RALGPS2: variants seen among roughly 807,000 people sequenced by gnomAD.
RALGPS2 encodes ras-specific guanine nucleotide-releasing factor RalGPS2.
Under a neutral mutation model 86.8 loss-of-function variants are expected in RALGPS2, and 43 were observed. The observed-to-expected ratio is 0.50, with a 90% CI of 0.39 to 0.64. RALGPS2 has a LOEUF of 0.64. RALGPS2 is among the 30% of genes least tolerant of loss of function. The probability of loss-of-function intolerance (pLI) is 0.00; values close to 1 mark genes in which losing one functional copy is unlikely to be tolerated. For synonymous variants in RALGPS2, 243 were observed against 231.3 expected (o/e 1.05, Z -0.46); for missense variants, 536 against 694.6 (o/e 0.77, Z 2.57).
chr1:178,776,209 A>G (rs778021554), intron 1 of RALGPS2, among the ~76,000 whole-genome samples: 1 of 152,188 alleles, frequency 6.6e-6, no homozygotes, highest in African/African-American at 2.4e-5. Context: ...TATTTTTATG[A>G]CATGTAGTTC....
Position 178,763,920 on chromosome 1 carries a change from G to A in RALGPS2, c.-83-12762G>A, listed in dbSNP as rs149521460. 2.6e-3 allele frequency among the ~76,000 whole-genome samples: 396 copies of A among 151,964 alleles called. 1 individual carries two copies. The highest frequency in any genetic ancestry group is 9.0e-3 in the African/African-American group (374 of 41,444). ...AGGATTGTTTTATGTCCGATTGTGG[G>A]TTGATTTTAAAGTATGTGCCTTGTT... On this transcript the variant is annotated intron_variant, in intron 1 of 19. Coordinates refer to ENST00000367635, the MANE Select transcript of RALGPS2 (RefSeq NM_152663.5).
chr1:178,801,294 A>G (rs1324530607), intron 4 of RALGPS2, among the ~76,000 whole-genome samples: 2 of 152,080 alleles, frequency 1.3e-5, no homozygotes, highest in African/African-American at 2.4e-5. Context: ...GCCAATAGCT[A>G]TACTTTGCTG....
chr1:178,844,900 C>G (rs1472174212), intron 8 of RALGPS2, among the ~76,000 whole-genome samples: 1 of 152,150 alleles, frequency 6.6e-6, no homozygotes, highest in Non-Finnish European at 1.5e-5. Flanking sequence ...CATATTTTGG[C>G]TAGGTGCGGT....
At chr1:178,789,551 G>T (rs1224604493) in intron 4 of RALGPS2, among the ~76,000 whole-genome samples, 1 of 152,186 alleles carries the variant, frequency 6.6e-6, no homozygotes, top group Non-Finnish European at 1.5e-5. Flanking sequence ...AGATTTTGCA[G>T]GAGTTTGGCT....
chr1:178,865,309 G>T (rs61823763), intron 8 of RALGPS2: 1 of 1,614,002 alleles, frequency 6.2e-7, no homozygotes, highest in Middle Eastern at 1.6e-4. Context: ...TGAGGATTTT[G>T]TTTTCCAGTT....
intron 6 of RALGPS2, among the ~76,000 whole-genome samples, chr1:178,819,271 G>A (rs2102220533): frequency 6.6e-6 from 1 of 152,310 alleles, no homozygotes; most frequent in Admixed American, 6.5e-5. Flanking sequence ...GGGATTACAA[G>A]TGTGAGTCAC....
intron 17 of RALGPS2, among the ~76,000 whole-genome samples, chr1:178,900,563 T>G (rs190965005): frequency 1.4e-4 from 22 of 152,110 alleles, no homozygotes; most frequent in Non-Finnish European, 2.4e-4. Context: ...ACTGAAATTT[T>G]TGAACAAGTG....
At chr1:178,846,646 C>T (rs966277886) in intron 8 of RALGPS2, among the ~76,000 whole-genome samples, 6 of 152,050 alleles carry the variant, frequency 3.9e-5, no homozygotes, top group Non-Finnish European at 2.9e-5. Flanking sequence ...AATTTCATCC[C>T]CATGTTCATA....
intron 7 of RALGPS2, among the ~76,000 whole-genome samples, chr1:178,829,449 A>G (rs1444359902): frequency 6.6e-6 from 1 of 152,214 alleles, no homozygotes; most frequent in South Asian, 2.1e-4. Context: ...TCATAGGTAC[A>G]TGAACCCTAT....
chr1:178,835,654 A>G (rs1454263550), intron 8 of RALGPS2, among the ~76,000 whole-genome samples: 3 of 152,042 alleles, frequency 2.0e-5, no homozygotes, highest in African/African-American at 7.2e-5. Flanking sequence ...CAGCCTCCCA[A>G]ATTGCTGGGA....
chr1:178,886,150 ATTTAAC>A (rs771761090), intron 13 of RALGPS2, 30 bp downstream of exon 13: 2 of 1,588,438 alleles, frequency 1.3e-6, no homozygotes, highest in Admixed American at 3.7e-5. Flanking sequence ...GAGGGTTGCA[ATTTAAC>A]TTTAAATAAA....
At chr1:178,784,234 T>G (rs1653539191) in intron 2 of RALGPS2, among the ~76,000 whole-genome samples, 184 bp from the exon 3 acceptor site, 1 of 152,138 alleles carries the variant, frequency 6.6e-6, no homozygotes, top group African/African-American at 2.4e-5. Flanking sequence ...GTCACAGTTT[T>G]AGATTTCAAG....
At chr1:178,829,740 A>G (rs1423192747) in intron 7 of RALGPS2, among the ~76,000 whole-genome samples, 1 of 151,682 alleles carries the variant, frequency 6.6e-6, no homozygotes, top group Admixed American at 6.6e-5. Context: ...TTTATTTATT[A>G]TTTATTTATT....
chr1:178,736,995 A>G (rs1325930919), intron 1 of RALGPS2, among the ~76,000 whole-genome samples: 1 of 152,240 alleles, frequency 6.6e-6, no homozygotes, highest in Non-Finnish European at 1.5e-5. Context: ...ATTAATGTGT[A>G]AGAAGTCTTT....
chr1:178,836,432 G>A (rs183186050), intron 8 of RALGPS2, among the ~76,000 whole-genome samples: 23 of 151,856 alleles, frequency 1.5e-4, no homozygotes, highest in African/African-American at 3.6e-4. Flanking sequence ...AGGATCTTAC[G>A]TTTCACTCTC....
At chr1:178,734,598 A>T (rs182442009) in intron 1 of RALGPS2, among the ~76,000 whole-genome samples, 5 of 152,232 alleles carry the variant, frequency 3.3e-5, no homozygotes, top group African/African-American at 1.2e-4. Flanking sequence ...ATAATCAGTG[A>T]TGTGACAGTG....
At chr1:178,871,683 T>C (rs1239298195) in intron 8 of RALGPS2, among the ~76,000 whole-genome samples, 4 of 152,210 alleles carry the variant, frequency 2.6e-5, no homozygotes, top group African/African-American at 9.6e-5. Flanking sequence ...AAATATTACA[T>C]TCTGGTGTTA....
At chr1:178,907,569 G>A (rs1660440377) in intron 19 of RALGPS2, among the ~76,000 whole-genome samples, 1 of 152,180 alleles carries the variant, frequency 6.6e-6, no homozygotes, top group African/African-American at 2.4e-5. Flanking sequence ...AAACCCTGTT[G>A]CACAGTTAGA....
chr1:178,785,965 G>T lies in RALGPS2; in HGVS notation c.213+358G>T, dbSNP rs923326777. Among the ~76,000 whole-genome samples the T allele has an allele frequency of 6.6e-5, 10 of 152,026 alleles. No homozygotes were observed. The East Asian group carries it at 1.9e-3, about 29-fold the overall frequency. The stretch of plus-strand genomic sequence containing the variant: ...TAAACAATCAACTAACACATATTTT[G>T]TATGTTATATGTATTTTGTACTCGG... On this transcript the variant is annotated intron_variant, in intron 4 of 19. Transcript: ENST00000367635.
Sources: gnomAD v4.1 joint callset for allele counts (sites outside exome capture counted in the v4.1 genomes callset) on GRCh38, gnomAD v4.1.1 for gene constraint, MANE v1.5 for transcripts, NCBI Gene and HGNC (gene_info 2026-07-23, HGNC 2026-07-21) for gene names.